MEIS1: variants seen among roughly 807,000 people sequenced by gnomAD.
MEIS1 encodes Meis homeobox 1.
A neutral mutation model predicts 50.8 loss-of-function variants in MEIS1; 5 were observed. The ratio of observed to expected loss-of-function variants is 0.10; its 90% CI spans 0.05 to 0.21. MEIS1 has a LOEUF of 0.21. MEIS1 is among the 10% of genes least tolerant of loss of function. MEIS1 has a pLI of 1.00. For missense variants in MEIS1, 318 were observed against 517.3 expected (o/e 0.61, Z 3.74); for synonymous variants, 176 against 179.3 (o/e 0.98, Z 0.15).
chr2:66,518,803 G>T (rs961904132), intron 8 of MEIS1, among the ~76,000 whole-genome samples: 7 of 152,148 alleles, frequency 4.6e-5, no homozygotes, highest in Non-Finnish European at 8.8e-5. Context: ...GATTCCTAAT[G>T]AAGATACCTT....
intron 11 of MEIS1, 110 bp downstream of exon 11, chr2:66,568,866 C>T (rs1169261652): frequency 8.5e-7 from 1 of 1,174,842 alleles, no homozygotes; most frequent in South Asian, 1.2e-5. Context: ...AAGCTGGCTG[C>T]CTTGCCTTGT....
chr2:66,496,918 T>G (rs1673419303), intron 7 of MEIS1, among the ~76,000 whole-genome samples: 1 of 152,196 alleles, frequency 6.6e-6, no homozygotes, highest in South Asian at 2.1e-4. Flanking sequence ...AAATACTTGG[T>G]ATTTGTTTTC....
At chr2:66,468,844 C>CT (rs1331569890) in intron 7 of MEIS1, among the ~76,000 whole-genome samples, 2 of 152,044 alleles carry the variant, frequency 1.3e-5, no homozygotes, top group East Asian at 3.9e-4. Context: ...GTTTTGCATG[C>CT]TAAGTAGAAT....
At chr2:66,464,314 C>T in intron 7 of MEIS1, 94 bp downstream of exon 7, 1 of 1,009,658 alleles carries the variant, frequency 9.9e-7, no homozygotes, top group Non-Finnish European at 1.5e-6. Flanking sequence ...TACAGTTTTT[C>T]CTAGAAGATA....
intron 9 of MEIS1, among the ~76,000 whole-genome samples, chr2:66,552,984 T>G (rs978986472): frequency 2.0e-5 from 3 of 152,180 alleles, no homozygotes; most frequent in Admixed American, 2.0e-4. Context: ...TAGACACAGA[T>G]TGTTTTGTCA....
intron 8 of MEIS1, among the ~76,000 whole-genome samples, chr2:66,542,160 C>G (rs1237036613): frequency 6.6e-6 from 1 of 152,090 alleles, no homozygotes; most frequent in Non-Finnish European, 1.5e-5. Flanking sequence ...TGCTTAGTCT[C>G]TTAGAGGTCA....
intron 8 of MEIS1, among the ~76,000 whole-genome samples, chr2:66,542,816 T>A (rs1674687456): frequency 6.6e-6 from 1 of 152,200 alleles, no homozygotes; most frequent in African/African-American, 2.4e-5. Context: ...GTAGATAAGA[T>A]AAACTTCATC....
At chr2:66,459,116 A>G (rs1227772835) in intron 6 of MEIS1, among the ~76,000 whole-genome samples, 1 of 152,110 alleles carries the variant, frequency 6.6e-6, no homozygotes, top group African/African-American at 2.4e-5. Flanking sequence ...TCACTCATCC[A>G]GGGGTTGATG....
At chr2:66,533,693 TCTC>T (rs1674449277) in intron 8 of MEIS1, among the ~76,000 whole-genome samples, 2 of 152,110 alleles carry the variant, frequency 1.3e-5, no homozygotes, top group South Asian at 2.1e-4. Context: ...ATGTGTAAAT[TCTC>T]CTCATAAATT....
At chr2:66,522,248 A>G (rs546823832) in intron 8 of MEIS1, among the ~76,000 whole-genome samples, 107 of 152,212 alleles carry the variant, frequency 7.0e-4, no homozygotes, top group Non-Finnish European at 1.3e-3. Flanking sequence ...TGTGAGGATC[A>G]TGGCAGGCAT....
At chr2:66,482,847 T>C (rs1430001372) in intron 7 of MEIS1, among the ~76,000 whole-genome samples, 1 of 152,176 alleles carries the variant, frequency 6.6e-6, no homozygotes, top group Admixed American at 6.5e-5. Flanking sequence ...TGCCATCTAG[T>C]GATATTCAGG....
intron 6 of MEIS1, among the ~76,000 whole-genome samples, chr2:66,445,879 CA>C (rs1272656723): frequency 6.6e-6 from 1 of 152,112 alleles, no homozygotes; most frequent in Non-Finnish European, 1.5e-5. Flanking sequence ...ATTAAGACAC[CA>C]GTAGAAGCTG....
At position 66,439,975 on chromosome 2, in the gene MEIS1, C is replaced by G; in HGVS notation, c.372C>G (p.Phe124Leu). The change falls in exon 3 of 13, where the codon TTC becomes TTG. Residue 124 changes from phenylalanine (F) to leucine (L), a missense_variant. Phe to Leu is a conservative substitution (Grantham distance 22, BLOSUM62 0). Around this residue, in one of 6 missense-constraint regions of MEIS1, gnomAD observed 75 missense variants for 153.7 expected, o/e 0.49. Coordinates refer to ENST00000272369, the MANE Select transcript of MEIS1 (RefSeq NM_002398.3). ...CATTCAATGAAGATATAGCCGTGTTCGCCAAACAGGTCAGCAAAATAGATG... is the reference window on the plus strand; with the variant it reads ...CATTCAATGAAGATATAGCCGTGTTGGCCAAACAGGTCAGCAAAATAGATG... The part of the protein sequence containing the change: ...SESFNEDIAV[F>L]AKQIRAEKPL... The G allele has an allele frequency of 6.2e-7, 1 of 1,611,084 alleles. No homozygotes were observed. The highest frequency in any genetic ancestry group is 1.3e-5 in the African/African-American group (1 of 74,894).
chr2:66,502,886 T>A (rs1673591345), intron 7 of MEIS1, among the ~76,000 whole-genome samples: 1 of 152,214 alleles, frequency 6.6e-6, no homozygotes, highest in Admixed American at 6.5e-5. Flanking sequence ...CAGACATCAG[T>A]TGGAGCTTTA....
chr2:66,439,513 T>A (rs1671895465), intron 2 of MEIS1: 1 of 1,475,632 alleles, frequency 6.8e-7, no homozygotes. Flanking sequence ...GACGAGGGCT[T>A]GTCGGGTGGG....
At position 66,468,633 on chromosome 2, in the gene MEIS1, A is replaced by G. The variant is rs535367058; in HGVS notation, c.742+4413A>G. On this transcript the variant is annotated intron_variant, in intron 7 of 12. Transcript: ENST00000272369. ...GACTCTAGAGCCCAAGCTCCTAACTATGACATCCTATTTGATACACTGTTT... is the reference window on the plus strand; with the variant it reads ...GACTCTAGAGCCCAAGCTCCTAACTGTGACATCCTATTTGATACACTGTTT... Among the ~76,000 whole-genome samples the G allele has an allele frequency of 3.3e-5, 5 of 152,272 alleles. 2 individuals carry two copies. Among genetic ancestry groups the G allele is most frequent in the African/African-American group, 1.2e-4 (5 of 41,562 alleles).
intron 6 of MEIS1, among the ~76,000 whole-genome samples, chr2:66,462,882 A>C (rs959557136): frequency 6.6e-6 from 1 of 152,172 alleles, no homozygotes; most frequent in African/African-American, 2.4e-5. Flanking sequence ...GGCTGCATTA[A>C]TCTTCTGGCC....
chr2:66,492,069 TTGTGTG>T lies in MEIS1; in HGVS notation c.743-20064_743-20059del, dbSNP rs139510530. On this transcript the variant is annotated intron_variant, in intron 7 of 12. Coordinates refer to ENST00000272369, the MANE Select transcript of MEIS1 (RefSeq NM_002398.3). ...AAACAGGAAAAGTGTGAGCGTTCAC[TTGTGTG>T]TGTGTGTGTGTGTGTCTGCTTGCAT... Among the ~76,000 whole-genome samples the T allele has an allele frequency of 3.7e-3, 539 of 144,664 alleles. 4 individuals are homozygous for T. The highest frequency in any genetic ancestry group is 4.5e-3 in the Non-Finnish European group (299 of 66,180). 94.9% of individuals were successfully genotyped at this position (144,664 alleles called of 152,430 possible). A position where few individuals can be genotyped will look rare whatever the true frequency, so the allele number is the denominator to read the frequency against.
intron 7 of MEIS1, among the ~76,000 whole-genome samples, chr2:66,466,713 G>T (rs1306258341): frequency 6.6e-6 from 1 of 151,890 alleles, no homozygotes; most frequent in Non-Finnish European, 1.5e-5. Flanking sequence ...TAGTCAACTG[G>T]GTAAATAACA....
Sources: gnomAD v4.1 joint callset for allele counts (sites outside exome capture counted in the v4.1 genomes callset) on GRCh38, gnomAD v4.1.1 for gene constraint, gnomAD v4.1.1 regional missense constraint, MANE v1.5 for transcripts, NCBI Gene and HGNC (gene_info 2026-07-23, HGNC 2026-07-21) for gene names.